The following MPPED1 variants were observed in gnomAD, a reference collection of about 807,000 sequenced individuals.
MPPED1 encodes metallophosphoesterase domain-containing protein 1.
MPPED1 carries 16 observed loss-of-function variants against 36.2 expected under a neutral mutation model. The ratio of observed to expected loss-of-function variants is 0.44; its 90% confidence interval spans 0.30 to 0.67. The LOEUF (loss-of-function observed/expected upper bound fraction) is 0.67, where lower values mean the gene tolerates loss of function less well. Among genes scored for constraint, MPPED1 ranks in the 30% least tolerant of loss-of-function variants. The pLI, the probability that MPPED1 is intolerant of heterozygous loss-of-function variation, is 0.10. For missense variants in MPPED1, 307 were observed against 453.4 expected (o/e 0.68, Z 2.93); for synonymous variants, 199 against 191.3 (o/e 1.04, Z -0.33).
intron 3 of MPPED1, among the ~76,000 whole-genome samples, chr22:43,470,093 A>ATCCG (rs1931318247): frequency 6.8e-6 from 1 of 148,078 alleles, no homozygotes; most frequent in Admixed American, 6.7e-5. Context: ...CCATCCATCC[A>ATCCG]TCCATCCATA....
intron 4 of MPPED1, among the ~76,000 whole-genome samples, chr22:43,476,809 C>A (rs547768456): frequency 1.8e-3 from 281 of 152,150 alleles, no homozygotes; most frequent in Non-Finnish European, 3.0e-3. Flanking sequence ...GAGGTCAGTA[C>A]CAAGGACAAG....
chr22:43,478,547 C>T (rs1447444133), intron 4 of MPPED1, among the ~76,000 whole-genome samples: 3 of 152,042 alleles, frequency 2.0e-5, no homozygotes, highest in African/African-American at 7.3e-5. Flanking sequence ...GAGATACAGG[C>T]AGCTAAGTGC....
At chr22:43,503,031 C>T (rs1163096687) in intron 6 of MPPED1, among the ~76,000 whole-genome samples, 1 of 152,174 alleles carries the variant, frequency 6.6e-6, no homozygotes, top group Non-Finnish European at 1.5e-5. Flanking sequence ...GCCTGGGAAG[C>T]CGTCGGGAGG....
At chr22:43,419,404 G>T (rs1466861369) in intron 1 of MPPED1, among the ~76,000 whole-genome samples, 1 of 152,142 alleles carries the variant, frequency 6.6e-6, no homozygotes, top group Non-Finnish European at 1.5e-5. Context: ...GGAAACGAGG[G>T]TGAACGCAGG....
intron 4 of MPPED1, 128 bp downstream of exon 4, chr22:43,475,089 C>T (rs1931502268): frequency 3.8e-6 from 3 of 785,232 alleles, no homozygotes; most frequent in African/African-American, 3.4e-5. Context: ...AATCTTGACC[C>T]CTTACCCTCT....
intron 5 of MPPED1, among the ~76,000 whole-genome samples, chr22:43,501,817 C>T (rs887082424): frequency 7.9e-5 from 12 of 151,838 alleles, no homozygotes; most frequent in African/African-American, 2.9e-4. Flanking sequence ...GCTTTCCCCT[C>T]CTTCTCCCCC....
chr22:43,435,969 G>C (rs1929944130), intron 3 of MPPED1, among the ~76,000 whole-genome samples: 1 of 152,214 alleles, frequency 6.6e-6, no homozygotes, highest in Non-Finnish European at 1.5e-5. Flanking sequence ...TCCTAGCTCA[G>C]TCACCCACTG....
At chr22:43,494,797 AGT>A (rs1932208166) in intron 4 of MPPED1, among the ~76,000 whole-genome samples, 1 of 151,852 alleles carries the variant, frequency 6.6e-6, no homozygotes, top group African/African-American at 2.4e-5. Flanking sequence ...AAACAACAGA[AGT>A]GTGTTTCTCA....
chr22:43,450,856 A>T (rs1236838754), intron 3 of MPPED1, among the ~76,000 whole-genome samples: 1 of 151,926 alleles, frequency 6.6e-6, no homozygotes, highest in East Asian at 1.9e-4. Flanking sequence ...CCTCCCGAGT[A>T]GCTGGGATTA....
intron 3 of MPPED1, among the ~76,000 whole-genome samples, chr22:43,450,459 C>T (rs1358938013): frequency 1.3e-5 from 2 of 152,356 alleles, no homozygotes; most frequent in South Asian, 2.1e-4. Flanking sequence ...TGAGAGACCT[C>T]TCGAGTTTGG....
intron 4 of MPPED1, among the ~76,000 whole-genome samples, chr22:43,480,593 T>C (rs1369431707): frequency 6.6e-6 from 1 of 152,220 alleles, no homozygotes. Flanking sequence ...TCTTCATGTA[T>C]TCTGATTATG....
rs773206609 is a variant in MPPED1, at chr22:43,502,625, G to A, written c.749-19G>A. 6.8e-6 allele frequency: 11 copies of A among 1,606,366 alleles called. No homozygotes were observed. The highest frequency in any genetic ancestry group is 5.0e-5 in the Admixed American group (3 of 59,972). On this transcript the variant is annotated intron_variant, in intron 5 of 6. Coordinates refer to ENST00000443721, the MANE Select transcript of MPPED1 (RefSeq NM_001044370.2). The surrounding 1 kb of genome is among the most constrained non-coding windows in gnomAD (Gnocchi z 5.5). ...GGGACAGACCGCGTCATGGCCTCCT[G>A]TTGTCTCCCCCATACCAGGCTTCCT...
intron 3 of MPPED1, among the ~76,000 whole-genome samples, chr22:43,448,987 CT>C (rs200304155): frequency 1.4e-4 from 21 of 150,940 alleles, no homozygotes; most frequent in African/African-American, 4.4e-4. Context: ...GCCCCTGACT[CT>C]TTTTTTTTAG....
chr22:43,448,803 A>G (rs1212520973), intron 3 of MPPED1, among the ~76,000 whole-genome samples: 4 of 152,074 alleles, frequency 2.6e-5, no homozygotes, highest in African/African-American at 9.7e-5. Flanking sequence ...GGGTTTCACC[A>G]TGTTGGCCAA....
chr22:43,418,659 C>T (rs1359410343), intron 1 of MPPED1: 1 of 161,318 alleles, frequency 6.2e-6, no homozygotes, highest in Non-Finnish European at 1.4e-5. Flanking sequence ...CCTTGGAGGG[C>T]TAGTTTCGTG....
chr22:43,478,297 G>A (rs987035269), intron 4 of MPPED1, among the ~76,000 whole-genome samples: 5 of 152,164 alleles, frequency 3.3e-5, no homozygotes, highest in African/African-American at 9.7e-5. Context: ...TGGGGATTGA[G>A]CTGATATCCT....
chr22:43,444,137 T>A (rs1368098067), intron 3 of MPPED1, among the ~76,000 whole-genome samples: 1 of 152,160 alleles, frequency 6.6e-6, no homozygotes, highest in Non-Finnish European at 1.5e-5. Context: ...AAATCTAGAA[T>A]TCTAAGTTGT....
At chr22:43,465,751 A>G (rs900878605) in intron 3 of MPPED1, among the ~76,000 whole-genome samples, 2 of 152,120 alleles carry the variant, frequency 1.3e-5, no homozygotes, top group African/African-American at 4.8e-5. Flanking sequence ...GTTGACTCAG[A>G]AGGAAGGGCG....
chr22:43,438,375 TG>T lies in MPPED1; in HGVS notation c.406+3163del, dbSNP rs371692027. ...CGCGGAGGCTGCAGGGGCCCTGGGGTGGGAGCAGAGAGCACTAGGAGTGTTG... is the reference window on the plus strand; with the variant it reads ...CGCGGAGGCTGCAGGGGCCCTGGGGTGGAGCAGAGAGCACTAGGAGTGTTG... On this transcript the variant is annotated intron_variant, in intron 3 of 6. Transcript: ENST00000443721. Among the ~76,000 whole-genome samples the T allele has an allele frequency of 3.0e-3, 462 of 151,664 alleles. 3 individuals are homozygous for T. The highest frequency in any genetic ancestry group is 0.01 in the African/African-American group (432 of 41,298).
Sources: allele counts gnomAD v4.1 joint callset (sites outside exome capture counted in the v4.1 genomes callset), GRCh38; gene constraint gnomAD v4.1.1; non-coding constraint Gnocchi (gnomAD v3.1); transcripts MANE v1.5; gene names NCBI Gene and HGNC (gene_info 2026-07-23, HGNC 2026-07-21).